The following PTGES3L variants were observed in gnomAD, a reference collection of about 807,000 sequenced individuals.
The protein encoded by PTGES3L is prostaglandin E synthase 3 like, also known as putative protein PTGES3L.
A neutral mutation model predicts 25.0 loss-of-function variants in PTGES3L; 17 were observed. That is an observed-to-expected ratio of 0.68 (90% CI 0.47 to 1.02). The LOEUF is 1.02. Among genes scored for constraint, PTGES3L ranks in the 50% least tolerant of loss-of-function variants. PTGES3L has a pLI of 0.00. For synonymous variants in PTGES3L, 59 were observed against 65.7 expected, an observed-to-expected ratio of 0.90 and a Z score of 0.50; for missense variants, 202 against 197.5, an observed-to-expected ratio of 1.02 and a Z score of -0.14.
At chr17:42,975,496 G>A (rs952260795) in intron 4 of PTGES3L, among the ~76,000 whole-genome samples, 4 of 152,146 alleles carry the variant, frequency 2.6e-5, no homozygotes, top group African/African-American at 9.7e-5. Context: ...AGTGTGGGAT[G>A]TGCTAGTGTG....
At chr17:42,979,840 C>A in intron 1 of PTGES3L, 177 bp from the exon 2 acceptor site, 1 of 1,440,102 alleles carries the variant, frequency 6.9e-7, no homozygotes. Context: ...TGAATGTGAA[C>A]CTGGGAAGAA....
intron 5 of PTGES3L, 98 bp downstream of exon 5, chr17:42,971,509 T>G (rs1300903410): frequency 3.0e-6 from 4 of 1,351,982 alleles, no homozygotes; most frequent in Non-Finnish European, 4.2e-6. Flanking sequence ...AGCTTGCATA[T>G]CTCTGCTTGG....
chr17:42,969,574 G>C (rs2049796184), intron 6 of PTGES3L, among the ~76,000 whole-genome samples: 1 of 151,368 alleles, frequency 6.6e-6, no homozygotes, highest in Admixed American at 6.6e-5. Flanking sequence ...GCTAATTTTT[G>C]TACTTTTGGT....
chr17:42,979,932 C>G, intron 1 of PTGES3L, 114 bp downstream of exon 1: 1 of 1,454,368 alleles, frequency 6.9e-7, no homozygotes, highest in Non-Finnish European at 9.0e-7. Context: ...TTACAGAGAC[C>G]AGGGGTCCGG....
intron 2 of PTGES3L, 25 bp downstream of exon 2, chr17:42,979,525 G>A (rs776351850): frequency 6.2e-7 from 1 of 1,614,194 alleles, no homozygotes; most frequent in South Asian, 1.1e-5. Flanking sequence ...TGGGAAGCCA[G>A]GCCCTCGGAC....
Position 42,979,182 on chromosome 17 carries a change from C to T in PTGES3L, c.276G>A (p.Lys92=). The T allele has an allele frequency of 6.2e-7, 1 of 1,614,126 alleles. No individual in the cohort carries two copies. The change falls in exon 4 of 7, where the codon AAG becomes AAA. Residue 92 remains lysine, a synonymous_variant. Coordinates refer to ENST00000591916, the MANE Select transcript of PTGES3L (RefSeq NM_001261430.2). ...TCCACACACCCACCTTGATATCCTC[C>T]TTGGTAAGCCGCGGCCAGGCCACCT... ...KEKVAWPRLT[K]EDIKPVWLSV...
At chr17:42,972,373 C>G (rs2151948334) in intron 4 of PTGES3L, among the ~76,000 whole-genome samples, 1 of 147,734 alleles carries the variant, frequency 6.8e-6, no homozygotes, top group African/African-American at 2.5e-5. Flanking sequence ...CGGTCTCCCT[C>G]TCATGCGGAG....
At chr17:42,979,324 T>A in intron 3 of PTGES3L, 54 bp downstream of exon 3, 1 of 1,614,152 alleles carries the variant, frequency 6.2e-7, no homozygotes, top group Non-Finnish European at 8.5e-7. Flanking sequence ...AATCTCCAGT[T>A]TCCCTGGGCA....
intron 5 of PTGES3L, 76 bp downstream of exon 5, chr17:42,971,531 A>T: frequency 6.5e-7 from 1 of 1,545,604 alleles, no homozygotes. Flanking sequence ...CCCAGTGACA[A>T]TCCTCCAGAG....
intron 1 of PTGES3L, 93 bp downstream of exon 1, chr17:42,979,953 G>A (rs2050045261): frequency 1.4e-6 from 2 of 1,465,292 alleles, no homozygotes; most frequent in Non-Finnish European, 1.8e-6. Flanking sequence ...GGCTCCCGTG[G>A]GGCCTCACAG....
chr17:42,978,267 C>T (rs1370570568), intron 4 of PTGES3L, among the ~76,000 whole-genome samples: 3 of 151,472 alleles, frequency 2.0e-5, no homozygotes, highest in South Asian at 2.1e-4. Context: ...ATTAGCCAGG[C>T]GTGGGGGCAC....
chr17:42,974,772 CAA>C (rs35782715), intron 4 of PTGES3L, among the ~76,000 whole-genome samples: 2,151 of 120,088 alleles, frequency 0.018, 17 homozygotes, highest in South Asian at 0.023. Flanking sequence ...GACTCTGTCT[CAA>C]AAAAAAAAAA....
At position 42,979,951 on chromosome 17, in the gene PTGES3L, T is replaced by C. The variant is rs938236586; in HGVS notation, c.8+95A>G. The C allele has an allele frequency of 1.6e-5, 24 of 1,464,532 alleles. No individual in the cohort carries two copies. The African/African-American group carries it at 3.0e-4, about 18-fold the overall frequency. The allele number at this position is 1,464,532 out of a possible 1,614,324, so 90.7% of individuals were successfully genotyped here. A position where few individuals can be genotyped will look rare whatever the true frequency, so the allele number is the denominator to read the frequency against. On this transcript the variant is annotated intron_variant, in intron 1 of 6. Coordinates refer to ENST00000591916, the MANE Select transcript of PTGES3L (RefSeq NM_001261430.2). ...AGAGACCAGGGGTCCGGGGCTCCCGTGGGGCCTCACAGAACCTGGAGCGCC... is the reference window on the plus strand; with the variant it reads ...AGAGACCAGGGGTCCGGGGCTCCCGCGGGGCCTCACAGAACCTGGAGCGCC...
intron 4 of PTGES3L, among the ~76,000 whole-genome samples, chr17:42,972,786 G>A (rs1176637623): frequency 5.6e-5 from 8 of 142,722 alleles, no homozygotes; most frequent in East Asian, 2.2e-4. Context: ...GCCGCCCATC[G>A]TCTGGGATGT....
intron 1 of PTGES3L, 119 bp from the exon 2 acceptor site, chr17:42,979,782 G>A (rs1017575942): frequency 6.9e-7 from 1 of 1,452,476 alleles, no homozygotes; most frequent in East Asian, 2.5e-5. Flanking sequence ...AGCTAAATGA[G>A]ACAGAAGGGG....
intron 4 of PTGES3L, among the ~76,000 whole-genome samples, chr17:42,973,289 G>C (rs2049890217): frequency 7.4e-6 from 1 of 136,026 alleles, no homozygotes; most frequent in Non-Finnish European, 1.6e-5. Context: ...CGGGAGGTGA[G>C]GGGCGCCTCT....
At chr17:42,971,900 T>G in intron 4 of PTGES3L, 1 of 540,690 alleles carries the variant, frequency 1.8e-6, no homozygotes. Context: ...TCAGAAGTCC[T>G]ACCCTCCGGC....
rs368872064 is a variant in PTGES3L, at chr17:42,979,252, C to T, written c.206G>A (p.Arg69His). The T allele has an allele frequency of 2.5e-5, 41 of 1,613,962 alleles. No homozygotes were observed. Among genetic ancestry groups the T allele is most frequent in the Non-Finnish European group, 1.9e-5 (23 of 1,180,024 alleles). The stretch of plus-strand genomic sequence containing the variant: ...AAAACAAGTAATAGAGCGGGAAGAG[C>T]GCTTATCCTGGGAGTCCTGCCAGAT... ...KVNSKDSQDK[R>H]SSRSITCFVR... Residue 69 changes from arginine to histidine, a missense_variant, in exon 4 of 7, where the codon CGC (arginine) becomes CAC (histidine). By Grantham distance (29) the Arg-to-His change is conservative. Coordinates refer to ENST00000591916, the MANE Select transcript of PTGES3L (RefSeq NM_001261430.2).
At chr17:42,970,415 A>G in intron 5 of PTGES3L, 73 bp from the exon 6 acceptor site, 1 of 1,579,646 alleles carries the variant, frequency 6.3e-7, no homozygotes, top group Non-Finnish European at 8.7e-7. Context: ...GATGGTCCAT[A>G]GAAGAATGGT....
Sources: gnomAD v4.1 joint callset for allele counts (sites outside exome capture counted in the v4.1 genomes callset) on GRCh38, gnomAD v4.1.1 for gene constraint, MANE v1.5 for transcripts, NCBI Gene and HGNC (gene_info 2026-07-23, HGNC 2026-07-21) for gene names.